Variants in GIGYF1 observed in about 807,000 individuals in gnomAD.
The protein encoded by GIGYF1 is GRB10-interacting GYF protein 1.
Under a neutral mutation model 147.1 loss-of-function variants are expected in GIGYF1, and 84 were observed. The ratio of observed to expected loss-of-function variants is 0.57; its 90% confidence interval spans 0.48 to 0.68. GIGYF1 has a LOEUF of 0.68. GIGYF1 is among the 30% of genes least tolerant of loss of function. The pLI is 0.00. For missense variants in GIGYF1, 1,485 were observed against 1,393.7 expected (o/e 1.07, Z -1.04); for synonymous variants, 752 against 589.5 (o/e 1.28, Z -3.99).
At chr7:100,686,855 G>A (rs143850312) in intron 9 of GIGYF1, 36 bp from the exon 10 acceptor site, 32 of 1,608,448 alleles carry the variant, frequency 2.0e-5, no homozygotes, top group Non-Finnish European at 2.5e-5. Flanking sequence ...TTATTAGAAA[G>A]GCAGCGTGGT....
Position 100,684,254 on chromosome 7 carries a change from A to AAACTGCTGGTGCTGC in GIGYF1, c.1698_1712dup (p.Leu566_Gln570dup), listed in dbSNP as rs1204868779. 2.5e-6 allele frequency: 4 copies of AAACTGCTGGTGCTGC among 1,609,372 alleles called. No homozygotes were observed. In the African/African-American group the frequency reaches 5.3e-5, roughly 22 times the overall value. ...CCCCATACCTGCTGACCAGCTGGAG[A>AAACTGCTGGTGCTGC]AACTGCTGGTGCTGCAGCTGCTGGT... is the stretch of plus-strand genomic sequence containing the variant. On this transcript the variant is annotated inframe_insertion, in exon 17 of 27. Transcript: ENST00000678049.
chr7:100,681,829 C>T, intron 26 of GIGYF1, 35 bp downstream of exon 26: 1 of 1,608,682 alleles, frequency 6.2e-7, no homozygotes, highest in Non-Finnish European at 8.5e-7. Flanking sequence ...TGCCCTGTGC[C>T]AAGGAAGTCC....
intron 13 of GIGYF1, 36 bp from the exon 14 acceptor site, chr7:100,685,182 G>T (rs770036974): frequency 6.5e-7 from 1 of 1,534,092 alleles, no homozygotes; most frequent in South Asian, 1.2e-5. Flanking sequence ...AAAGAAGGGC[G>T]GGGAGGAGAC....
chr7:100,687,950 C>G, intron 5 of GIGYF1, 31 bp downstream of exon 5: 1 of 1,609,812 alleles, frequency 6.2e-7, no homozygotes, highest in Non-Finnish European at 8.5e-7. Flanking sequence ...CAGAGGCCAC[C>G]ACCGCCAACC....
Position 100,684,519 on chromosome 7 carries a change from C to G in GIGYF1, c.1560G>C (p.Pro520=). The change falls in exon 16 of 27, where the codon CCG becomes CCC. Residue 520 remains proline, a synonymous_variant. Coordinates refer to ENST00000678049, the MANE Select transcript of GIGYF1 (RefSeq NM_001375765.1). ...VKRGCDEGFQ[P]LGEVIKMWGR... is the part of the protein sequence containing the mutation. The stretch of plus-strand genomic sequence containing the variant: ...CCCACATCTTGATCACCTCGCCCAG[C>G]GGCTGGAAGCCCTCATCGCAGCCCC... The G allele has an allele frequency of 6.2e-7, 1 of 1,613,954 alleles. No homozygotes were observed. Among genetic ancestry groups the G allele is most frequent in the Non-Finnish European group, 8.5e-7 (1 of 1,180,028 alleles).
At position 100,684,085 on chromosome 7, in the gene GIGYF1, CGGCGGCGGTGGT is replaced by C. The variant is rs1805075119; in HGVS notation, c.1791_1802del (p.Pro599_Pro602del). On this transcript the variant is annotated inframe_deletion, in exon 18 of 27. Coordinates refer to ENST00000678049, the MANE Select transcript of GIGYF1 (RefSeq NM_001375765.1). ...TGAGCTGCTGCTGCTGCTGCTGTGGCGGCGGCGGTGGTGGCGGTGTCAGGTCCCCCAGAGCTG... is the reference window on the plus strand; with the variant it reads ...TGAGCTGCTGCTGCTGCTGCTGTGGCGGCGGTGTCAGGTCCCCCAGAGCTG... 4.4e-6 allele frequency: 7 copies of C among 1,606,160 alleles called. No homozygotes were observed. In the Middle Eastern group the frequency reaches 5.0e-4, roughly 114 times the overall value.
Position 100,684,223 on chromosome 7 carries a change from C to T in GIGYF1, c.1730+14G>A, listed in dbSNP as rs1297523085. 1.1e-5 allele frequency: 18 copies of T among 1,610,156 alleles called. No homozygotes were observed. Among genetic ancestry groups the T allele is most frequent in the Admixed American group, 1.7e-5 (1 of 59,794 alleles). Reference sequence around the variant, plus strand: ...CGCCGGGCCTTCTCCCAGCCCACCCCAGGCCCCCCATACCTGCTGACCAGC... The same window carrying T: ...CGCCGGGCCTTCTCCCAGCCCACCCTAGGCCCCCCATACCTGCTGACCAGC... On this transcript the variant is annotated intron_variant, in intron 17 of 26. Coordinates refer to ENST00000678049, the MANE Select transcript of GIGYF1 (RefSeq NM_001375765.1).
Position 100,685,898 on chromosome 7 carries a change from C to T in GIGYF1, c.1054+76G>A, listed in dbSNP as rs993026540. On this transcript the variant is annotated intron_variant, in intron 12 of 26. Coordinates refer to ENST00000678049, the MANE Select transcript of GIGYF1 (RefSeq NM_001375765.1). ...CCTGATTCTACAGGTAGGTGGGCAG[C>T]CAATGCCCAGCCCGGCAAAGAACAC... is the stretch of plus-strand genomic sequence containing the variant. 3.2e-6 allele frequency: 4 copies of T among 1,243,052 alleles called. No homozygotes were observed. The African/African-American group carries it at 4.5e-5, about 14-fold the overall frequency. The allele number at this position is 1,243,052 out of a possible 1,614,324, so 77.0% of individuals were successfully genotyped here. A position where few individuals can be genotyped will look rare whatever the true frequency, so the allele number is the denominator to read the frequency against.
At position 100,688,048 on chromosome 7, in the gene GIGYF1, T is replaced by C. The variant is rs772786996; in HGVS notation, c.98A>G (p.Lys33Arg). 3 of 1,613,396 alleles carry C rather than the reference T, an allele frequency of 1.9e-6. No homozygotes were observed. Among genetic ancestry groups the C allele is most frequent in the East Asian group, 2.2e-5 (1 of 44,862 alleles). Residue 33 changes from lysine to arginine, a missense_variant, in exon 5 of 27, where the codon AAA (lysine) becomes AGA (arginine). Lys to Arg is a conservative substitution (Grantham distance 26, BLOSUM62 2). Transcript: ENST00000678049. Reference sequence around the variant, plus strand: ...ATAACGGTAGTCAGCCAGCTTGTATTTGGGCATGGCAGGGGACGGGGGTGG... The same window carrying C: ...ATAACGGTAGTCAGCCAGCTTGTATCTGGGCATGGCAGGGGACGGGGGTGG... ...ASPPPSPAMP[K>R]YKLADYRYGR...
At position 100,682,492 on chromosome 7, in the gene GIGYF1, G is replaced by T. The variant is rs781701807; in HGVS notation, c.2601-10C>A. Reference sequence around the variant, plus strand: ...GTGGCTGTATGAGTCACTGAAGGGGGAGGGTGAGTCAGGGTTGGAAATCAG... The same window carrying T: ...GTGGCTGTATGAGTCACTGAAGGGGTAGGGTGAGTCAGGGTTGGAAATCAG... On this transcript the variant is annotated splice_polypyrimidine_tract_variant and intron_variant, in intron 23 of 26. Transcript: ENST00000678049. 7 of 1,610,302 alleles carry T rather than the reference G, an allele frequency of 4.3e-6. No homozygotes were observed. Among genetic ancestry groups the T allele is most frequent in the Non-Finnish European group, 5.9e-6 (7 of 1,179,786 alleles).
chr7:100,683,734 G>T (rs1805026514), intron 19 of GIGYF1, 84 bp downstream of exon 19: 1 of 1,544,452 alleles, frequency 6.5e-7, no homozygotes, highest in Non-Finnish European at 8.9e-7. Flanking sequence ...TGGCAGCTAG[G>T]GGCGTGTGGG....
intron 1 of GIGYF1, among the ~76,000 whole-genome samples, chr7:100,691,329 C>T (rs991564250): frequency 6.6e-6 from 1 of 152,178 alleles, no homozygotes. Context: ...CTCTGCGCCA[C>T]GAGCATGGGC....
rs1328623592 is a variant in GIGYF1, at chr7:100,686,993, A to G, written c.523+13T>C. On this transcript the variant is annotated intron_variant, in intron 9 of 26. Coordinates refer to ENST00000678049, the MANE Select transcript of GIGYF1 (RefSeq NM_001375765.1). ...CCCTGCCGCCCCGGCCGCCGCCCTC[A>G]GCAGCCTCGTACCTCCATCCCGCCT... 6.2e-7 allele frequency: 1 copy of G among 1,613,808 alleles called. No homozygotes were observed. Among genetic ancestry groups the G allele is most frequent in the African/African-American group, 1.3e-5 (1 of 75,034 alleles).
chr7:100,683,418 G>A lies in GIGYF1; in HGVS notation c.2079C>T (p.Leu693=), dbSNP rs199602548. ...HKFQERREVE[L]RAKREEEERK... ...GTTCCTCTTCCTCCCGCTTCGCCCT[G>A]AGCTCCACTTCTCTGCGCTCCTGGA... is the stretch of plus-strand genomic sequence containing the variant. The change falls in exon 21 of 27, where the codon CTC becomes CTT. Residue 693 remains leucine (L), a synonymous_variant. Coordinates refer to ENST00000678049, the MANE Select transcript of GIGYF1 (RefSeq NM_001375765.1). 73 of 1,613,842 alleles carry A rather than the reference G, an allele frequency of 4.5e-5. No homozygotes were observed. The highest frequency in any genetic ancestry group is 5.8e-5 in the Non-Finnish European group (69 of 1,180,036).
intron 5 of GIGYF1, 44 bp from the exon 6 acceptor site, chr7:100,687,927 TC>T: frequency 6.2e-7 from 1 of 1,612,010 alleles, no homozygotes; most frequent in South Asian, 1.1e-5. Flanking sequence ...TGCTGCCAGA[TC>T]CCCTCCACAG....
chr7:100,682,980 G>C (rs1033819639), intron 22 of GIGYF1, 32 bp downstream of exon 22: 1 of 1,451,708 alleles, frequency 6.9e-7, no homozygotes, highest in African/African-American at 1.4e-5. Flanking sequence ...GGAAACTGTA[G>C]GGGGAGCCCG....
chr7:100,685,999 C>A lies in GIGYF1; in HGVS notation c.1029G>T (p.Gly343=). The A allele has an allele frequency of 6.2e-7, 1 of 1,612,686 alleles. No homozygotes were observed. The highest frequency in any genetic ancestry group is 8.5e-7 in the Non-Finnish European group (1 of 1,179,970). The change falls in exon 12 of 27, where the codon GGG becomes GGT. Residue 343 remains glycine (G), a synonymous_variant. Transcript: ENST00000678049. ...CTGCCTCAGGCCCTTCCTCCTCTAG[C>A]CCTTCGGAAGGTTCCTCCTCCTCCT... ...GLEEEEEPSE[G]LEEEGPEAGG... is the part of the protein sequence containing the mutation.
At position 100,683,861 on chromosome 7, in the gene GIGYF1, C is replaced by G. The variant is rs367636378; in HGVS notation, c.1926G>C (p.Ser642=). 1.3e-6 allele frequency: 2 copies of G among 1,563,642 alleles called. No individual in the cohort carries two copies. Among genetic ancestry groups the G allele is most frequent in the East Asian group, 2.4e-5 (1 of 42,032 alleles). ...TMSRSLSVPD[S]GRLWDVHTSA... ...AGGTATGTACGTCCCAGAGGCGGCC[C>G]GAATCTGGCACCGACAAGGACCGGC... The change falls in exon 19 of 27, where the codon TCG becomes TCC. Residue 642 remains serine, a synonymous_variant. Coordinates refer to ENST00000678049, the MANE Select transcript of GIGYF1 (RefSeq NM_001375765.1).
rs568407340 is a variant in GIGYF1, at chr7:100,679,830, C to T, written c.*1889G>A. 5 of 152,504 alleles carry T rather than the reference C, an allele frequency of 3.3e-5. No homozygotes were observed. The highest frequency in any genetic ancestry group is 7.2e-5 in the African/African-American group (3 of 41,394). The allele number at this position is 152,504 out of a possible 1,614,324, so 9.4% of individuals were successfully genotyped here. A position where few individuals can be genotyped will look rare whatever the true frequency, so the allele number is the denominator to read the frequency against. ...CTATACTTCCTCACAGGGTTAAGGC[C>T]TCTCCAGGCTCATGGGCCCCCTAAG... On this transcript the variant is annotated 3_prime_UTR_variant, in exon 27 of 27. Transcript: ENST00000678049.
Sources: gnomAD v4.1 joint callset for allele counts (sites outside exome capture counted in the v4.1 genomes callset) on GRCh38, gnomAD v4.1.1 for gene constraint, MANE v1.5 for transcripts, NCBI Gene and HGNC (gene_info 2026-07-23, HGNC 2026-07-21) for gene names.